The following NTM variants were observed in gnomAD, a reference collection of about 807,000 sequenced individuals.
NTM encodes the protein IgLON family member 2.
NTM carries 13 observed loss-of-function variants against 42.1 expected under a neutral mutation model. The ratio of observed to expected loss-of-function variants is 0.31; its 90% CI spans 0.20 to 0.49. NTM has a LOEUF of 0.49. NTM is among the 20% of genes least tolerant of loss of function. The probability of loss-of-function intolerance (pLI) is 0.99; values close to 1 mark genes in which losing one functional copy is unlikely to be tolerated. For missense variants in NTM, 373 were observed against 452.8 expected (o/e 0.82, Z 1.60); for synonymous variants, 187 against 179.2 (o/e 1.04, Z -0.35).
chr11:131,707,001 A>C (rs1487563585), intron 1 of NTM, among the ~76,000 whole-genome samples: 2 of 151,236 alleles, frequency 1.3e-5, no homozygotes, highest in East Asian at 3.8e-4. Context: ...TAACTTTTAA[A>C]TTTTACTTTT....
intron 1 of NTM, among the ~76,000 whole-genome samples, chr11:131,857,888 C>T (rs2046257686): frequency 6.6e-6 from 1 of 152,146 alleles, no homozygotes; most frequent in African/African-American, 2.4e-5. Context: ...CCAATGACAT[C>T]TCATCATTTG....
chr11:131,880,446 A>G (rs1411565160), intron 1 of NTM, among the ~76,000 whole-genome samples: 1 of 152,252 alleles, frequency 6.6e-6, no homozygotes, highest in African/African-American at 2.4e-5. Context: ...TCATTTGCTC[A>G]GCAGGTGCTA....
intron 2 of NTM, among the ~76,000 whole-genome samples, chr11:132,051,973 C>G (rs2078917563): frequency 6.6e-6 from 1 of 152,150 alleles, no homozygotes; most frequent in Non-Finnish European, 1.5e-5. Flanking sequence ...TGGTCCATTG[C>G]TCATCTGCCA....
chr11:131,545,390 T>C (rs1019044196), intron 1 of NTM, among the ~76,000 whole-genome samples: 1 of 152,212 alleles, frequency 6.6e-6, no homozygotes, highest in Non-Finnish European at 1.5e-5. Flanking sequence ...AGCTTTCTCA[T>C]TCTCTTTCCT....
intron 1 of NTM, among the ~76,000 whole-genome samples, chr11:131,491,025 T>C (rs2053807): frequency 0.046 from 6,935 of 152,274 alleles, 392 homozygotes; most frequent in East Asian, 0.19. Context: ...ACATGTCTCA[T>C]GTGGCCCAGT....
At chr11:132,145,036 G>A (rs558115704) in intron 2 of NTM, among the ~76,000 whole-genome samples, 2 of 152,174 alleles carry the variant, frequency 1.3e-5, no homozygotes, top group East Asian at 3.9e-4. Flanking sequence ...GAATTTTTAT[G>A]GTCACAAACC....
At chr11:132,048,069 G>A (rs1301583229) in intron 2 of NTM, among the ~76,000 whole-genome samples, 1 of 151,762 alleles carries the variant, frequency 6.6e-6, no homozygotes, top group Non-Finnish European at 1.5e-5. Flanking sequence ...TGCCTGCTCT[G>A]CTTAGCTATG....
chr11:132,032,784 C>T (rs1461243068), intron 2 of NTM, among the ~76,000 whole-genome samples: 2 of 152,282 alleles, frequency 1.3e-5, no homozygotes, highest in Admixed American at 6.5e-5. Context: ...AACTAGGATA[C>T]AGCATTCTTC....
chr11:131,915,981 T>C (rs1032204697), intron 2 of NTM, among the ~76,000 whole-genome samples: 7 of 152,040 alleles, frequency 4.6e-5, no homozygotes, highest in African/African-American at 1.7e-4. Context: ...GGTGTTTGGG[T>C]GTGGAAAGGC....
chr11:132,073,055 C>G (rs975386214), intron 2 of NTM, among the ~76,000 whole-genome samples: 1 of 152,108 alleles, frequency 6.6e-6, no homozygotes, highest in Admixed American at 6.6e-5. Context: ...CCACGGAGTC[C>G]CTCAGCTTGG....
At chr11:132,163,781 T>C (rs1055021567) in intron 3 of NTM, among the ~76,000 whole-genome samples, 35 of 152,366 alleles carry the variant, frequency 2.3e-4, no homozygotes, top group African/African-American at 8.4e-4. Flanking sequence ...CCAGTGATTC[T>C]CAGCTCTGCT....
At chr11:132,150,199 C>A (rs1343274478) in intron 3 of NTM, among the ~76,000 whole-genome samples, 1 of 152,058 alleles carries the variant, frequency 6.6e-6, no homozygotes, top group Non-Finnish European at 1.5e-5. Context: ...GTGCCAGGCT[C>A]TTTTTTACCA....
At chr11:131,768,087 CA>C (rs1466236454) in intron 1 of NTM, among the ~76,000 whole-genome samples, 2 of 150,258 alleles carry the variant, frequency 1.3e-5, no homozygotes, top group East Asian at 3.9e-4. Flanking sequence ...CTTCTGACAT[CA>C]AATGTTCATC....
intron 8 of NTM, among the ~76,000 whole-genome samples, chr11:132,331,405 T>C (rs979301230): frequency 3.9e-5 from 6 of 152,148 alleles, no homozygotes; most frequent in African/African-American, 9.7e-5. Flanking sequence ...TGGATATAGT[T>C]AGAAAAGGGG....
At chr11:132,167,861 G>T (rs2075519525) in intron 3 of NTM, among the ~76,000 whole-genome samples, 1 of 152,128 alleles carries the variant, frequency 6.6e-6, no homozygotes, top group Admixed American at 6.6e-5. Context: ...CTATGACCCA[G>T]ATATCCAGAC....
At chr11:131,781,455 G>GA (rs560220204) in intron 1 of NTM, among the ~76,000 whole-genome samples, 26 of 148,652 alleles carry the variant, frequency 1.7e-4, no homozygotes, top group Admixed American at 6.0e-4. Context: ...TGAAATAAAT[G>GA]AAAAAAAAAG....
At chr11:132,311,653 A>G (rs1486492721) in intron 6 of NTM, among the ~76,000 whole-genome samples, 1 of 152,264 alleles carries the variant, frequency 6.6e-6, no homozygotes, top group Non-Finnish European at 1.5e-5. Context: ...AACCAAACAA[A>G]AAACCTATTG....
intron 1 of NTM, among the ~76,000 whole-genome samples, chr11:131,876,476 T>G (rs75053190): frequency 0.017 from 2,662 of 152,346 alleles, 47 homozygotes; most frequent in South Asian, 0.043. Flanking sequence ...TCTCCTGATG[T>G]GTGATCATGA....
chr11:131,610,705 C>T (rs2137532547), intron 1 of NTM, among the ~76,000 whole-genome samples: 1 of 152,252 alleles, frequency 6.6e-6, no homozygotes, highest in South Asian at 2.1e-4. Flanking sequence ...AGCATCTGGG[C>T]AGGCAGGGGG....
Sources: gnomAD v4.1 joint callset for allele counts (sites outside exome capture counted in the v4.1 genomes callset) on GRCh38, gnomAD v4.1.1 for gene constraint, MANE v1.5 for transcripts, NCBI Gene and HGNC (gene_info 2026-07-23, HGNC 2026-07-21) for gene names.